Variants in VPS54 observed in about 807,000 individuals in gnomAD.
VPS54 encodes VPS54 subunit of GARP complex.
Under a neutral mutation model 121.5 loss-of-function variants are expected in VPS54, and 45 were observed. The observed-to-expected ratio is 0.37, with a 90% confidence interval of 0.29 to 0.47. The LOEUF (loss-of-function observed/expected upper bound fraction) is 0.47, where lower values mean the gene tolerates loss of function less well. VPS54 is among the 20% of genes least tolerant of loss of function. The probability of loss-of-function intolerance (pLI) is 0.99; values close to 1 mark genes in which losing one functional copy is unlikely to be tolerated. For missense variants in VPS54, 1,090 were observed against 1,131.4 expected, an observed-to-expected ratio of 0.96 and a Z score of 0.52; for synonymous variants, 371 against 385.8, an observed-to-expected ratio of 0.96 and a Z score of 0.45.
At chr2:63,957,811 C>T (rs983365130) in intron 7 of VPS54, among the ~76,000 whole-genome samples, 2 of 151,998 alleles carry the variant, frequency 1.3e-5, no homozygotes, top group African/African-American at 4.8e-5. Context: ...AGTTATAAAC[C>T]AGGCTTCTCA....
At position 63,919,201 on chromosome 2, in the gene VPS54, T is replaced by G. The variant is rs569839482; in HGVS notation, c.2164+682A>C. ...ATATTTCCCAGCCATCTCTTCCACA[T>G]GAAAACTCTCTCATCATTTTACTTC... On this transcript the variant is annotated intron_variant, in intron 15 of 22. Transcript: ENST00000272322. Among the ~76,000 whole-genome samples, 23 of 152,190 alleles carry G rather than the reference T, an allele frequency of 1.5e-4. No individual in the cohort carries two copies. The East Asian group carries it at 4.2e-3, about 28-fold the overall frequency.
At chr2:63,925,600 T>C (rs767084445) in intron 12 of VPS54, among the ~76,000 whole-genome samples, 5 of 152,162 alleles carry the variant, frequency 3.3e-5, no homozygotes, top group African/African-American at 7.2e-5. Flanking sequence ...CCAAATCTTA[T>C]CAAAAGTAAA....
In VPS54 at chr2:63,982,234, T is replaced by C. The variant is rs535902940; in HGVS notation, c.137-347A>G. Among the ~76,000 whole-genome samples the C allele has an allele frequency of 5.9e-5, 9 of 152,324 alleles. No homozygotes were observed. In the South Asian group the frequency reaches 1.7e-3, roughly 28 times the overall value. On this transcript the variant is annotated intron_variant, in intron 2 of 22. Coordinates refer to ENST00000272322, the MANE Select transcript of VPS54 (RefSeq NM_016516.3). ...ATCAGAACTATGCTGCTTTCTATTA[T>C]GTATTTTCTATCCTTTAATACCCCA...
At chr2:63,936,666 C>G (rs1439306787) in intron 11 of VPS54, among the ~76,000 whole-genome samples, 1 of 152,106 alleles carries the variant, frequency 6.6e-6, no homozygotes, top group Admixed American at 6.5e-5. Context: ...TTAGCCTAAT[C>G]TATAGGGTGC....
At chr2:63,968,205 T>C (rs972348572) in intron 5 of VPS54, among the ~76,000 whole-genome samples, 6 of 152,100 alleles carry the variant, frequency 3.9e-5, no homozygotes, top group Non-Finnish European at 8.8e-5. Context: ...AAAAAATGGA[T>C]TATACATCTC....
chr2:63,999,787 C>G (rs1392002375), intron 1 of VPS54, among the ~76,000 whole-genome samples: 1 of 151,874 alleles, frequency 6.6e-6, no homozygotes, highest in Non-Finnish European at 1.5e-5. Context: ...ATTCTTTTTT[C>G]TTTTGTCTTC....
Position 63,981,844 on chromosome 2 carries a change from A to C in VPS54, c.180T>G (p.Asp60Glu), listed in dbSNP as rs769614448. Residue 60 changes from aspartate to glutamate, a missense_variant, in exon 3 of 23, where the codon GAT becomes GAG. Around this residue, in one of 2 missense-constraint regions of VPS54, gnomAD observed 801 missense variants for 757.0 expected, o/e 1.06. Transcript: ENST00000272322. ...AATGATATACAGTCCATCTATGTTGATCTGTAACTAGAGATGGGGCAACAT... is the reference window on the plus strand; with the variant it reads ...AATGATATACAGTCCATCTATGTTGCTCTGTAACTAGAGATGGGGCAACAT... ...SLYVAPSLVT[D>E]QHRWTVYHSK... 6.2e-7 allele frequency: 1 copy of C among 1,613,440 alleles called. No individual in the cohort carries two copies. Among genetic ancestry groups the C allele is most frequent in the East Asian group, 2.2e-5 (1 of 44,804 alleles).
chr2:64,008,302 T>C (rs1352855655), intron 1 of VPS54, among the ~76,000 whole-genome samples: 1 of 151,860 alleles, frequency 6.6e-6, no homozygotes, highest in Non-Finnish European at 1.5e-5. Flanking sequence ...TAATCCCAGC[T>C]ACTCAGAAGG....
intron 1 of VPS54, among the ~76,000 whole-genome samples, chr2:63,991,817 C>G (rs6755041): frequency 0.63 from 95,270 of 152,090 alleles, 30,831 homozygotes; most frequent in Non-Finnish European, 0.71. Flanking sequence ...GCAGCCCCCA[C>G]CACAAACAAA....
At chr2:63,952,945 A>G (rs1675321866) in intron 7 of VPS54, among the ~76,000 whole-genome samples, 2 of 152,084 alleles carry the variant, frequency 1.3e-5, no homozygotes, top group South Asian at 4.1e-4. Context: ...AACAACCCAA[A>G]TGCTGACCAA....
chr2:63,963,438 G>T (rs898508909), intron 6 of VPS54, among the ~76,000 whole-genome samples: 2 of 151,768 alleles, frequency 1.3e-5, no homozygotes, highest in Admixed American at 1.3e-4. Flanking sequence ...TTTACTTTGA[G>T]ATTTTTTAAC....
Position 63,892,702 on chromosome 2 carries a change from T to C in VPS54, c.*728A>G, listed in dbSNP as rs763910290. 1.3e-5 allele frequency: 2 copies of C among 150,828 alleles called. No homozygotes were observed. Among genetic ancestry groups the C allele is most frequent in the African/African-American group, 2.5e-5 (1 of 40,608 alleles). The allele number at this position is 150,828 out of a possible 1,614,324, so 9.3% of individuals were successfully genotyped here. On this transcript the variant is annotated 3_prime_UTR_variant, in exon 23 of 23. Coordinates refer to ENST00000272322, the MANE Select transcript of VPS54 (RefSeq NM_016516.3). ...TTTTATATACCATTTCTGAAAAGTATTTAGTTGCATAAATAGATGCCAGGA... is the reference window on the plus strand; with the variant it reads ...TTTTATATACCATTTCTGAAAAGTACTTAGTTGCATAAATAGATGCCAGGA...
intron 12 of VPS54, among the ~76,000 whole-genome samples, chr2:63,931,899 G>GA: frequency 6.6e-6 from 1 of 152,282 alleles, no homozygotes; most frequent in South Asian, 2.1e-4. Flanking sequence ...AAAGACATAT[G>GA]AAAAAATGCT....
intron 12 of VPS54, among the ~76,000 whole-genome samples, chr2:63,933,123 T>C (rs1383022753): frequency 1.3e-5 from 2 of 152,202 alleles, no homozygotes; most frequent in East Asian, 1.9e-4. Context: ...ATGAAGGTTA[T>C]ATGAGAGTTT....
intron 7 of VPS54, among the ~76,000 whole-genome samples, chr2:63,952,333 A>G (rs765734243): frequency 7.9e-5 from 12 of 152,202 alleles, no homozygotes; most frequent in African/African-American, 1.7e-4. Context: ...AAAGAGTCCA[A>G]TGGAAAATAT....
intron 18 of VPS54, 26 bp downstream of exon 18, chr2:63,913,197 A>T: frequency 6.3e-7 from 1 of 1,586,784 alleles, no homozygotes; most frequent in African/African-American, 1.4e-5. Context: ...CACTTCAGCA[A>T]GTGAATTAAA....
rs1196619557 is a variant in VPS54 at position 64,015,960 on chromosome 2, CAT to C, written c.-21+2976_-21+2977del. Reference sequence around the variant, plus strand: ...CTGCTAGCAAAATGTCAAATACATACATATATACAAGAATCTAAACAATTCTA... The same window carrying C: ...CTGCTAGCAAAATGTCAAATACATACATATACAAGAATCTAAACAATTCTA... On this transcript the variant is annotated intron_variant, in intron 1 of 22. Coordinates refer to ENST00000272322, the MANE Select transcript of VPS54 (RefSeq NM_016516.3). Among the ~76,000 whole-genome samples, 6 of 152,246 alleles carry C rather than the reference CAT, an allele frequency of 3.9e-5. No homozygotes were observed. The East Asian group carries it at 1.2e-3, about 29-fold the overall frequency.
chr2:63,965,694 G>C (rs953218975), intron 6 of VPS54, 141 bp downstream of exon 6: 3 of 1,192,482 alleles, frequency 2.5e-6, no homozygotes, highest in Admixed American at 2.6e-5. Flanking sequence ...TATCAGTTAA[G>C]ATTGGGAGGC....
chr2:63,960,238 C>T lies in VPS54; in HGVS notation c.1010+1820G>A, dbSNP rs922980289. ...GGGCAGCAGAATAAAAACCCTGTCT[C>T]GAAATAAATACATACGTAAATAATA... On this transcript the variant is annotated intron_variant, in intron 7 of 22. Transcript: ENST00000272322. 2.0e-5 allele frequency among the ~76,000 whole-genome samples: 3 copies of T among 151,800 alleles called. No homozygotes were observed. The East Asian group carries it at 5.8e-4, about 29-fold the overall frequency.
Sources: allele counts gnomAD v4.1 joint callset (sites outside exome capture counted in the v4.1 genomes callset), GRCh38; gene constraint gnomAD v4.1.1; regional missense constraint gnomAD v4.1.1; transcripts MANE v1.5; gene names NCBI Gene and HGNC (gene_info 2026-07-23, HGNC 2026-07-21).